CD1B: variants seen among roughly 807,000 people sequenced by gnomAD.
CD1B encodes T-cell surface glycoprotein CD1b.
CD1B carries 43 observed loss-of-function variants against 39.8 expected under a neutral mutation model. The observed-to-expected ratio is 1.08, with a 90% CI of 0.85 to 1.39. The LOEUF is 1.39. CD1B is among the 40% of genes most tolerant of loss of function. The probability of loss-of-function intolerance (pLI) is 0.00; values close to 1 mark genes in which losing one functional copy is unlikely to be tolerated. For missense variants in CD1B, 495 were observed against 403.8 expected, an observed-to-expected ratio of 1.23 and a Z score of -1.94; for synonymous variants, 192 against 152.5, an observed-to-expected ratio of 1.26 and a Z score of -1.91.
At chr1:158,307,538 T>C in the CD1B span, among the ~76,000 whole-genome samples, 2 of 152,176 alleles carry the variant, frequency 1.3e-5, no homozygotes, top group Non-Finnish European at 2.9e-5. Flanking sequence ...CTTCTGAAAT[T>C]ATTCCAATCA....
the CD1B span, among the ~76,000 whole-genome samples, chr1:158,297,766 C>T: frequency 1.3e-5 from 2 of 151,890 alleles, no homozygotes; most frequent in African/African-American, 2.4e-5. Context: ...AACCCCATTT[C>T]TACAAAAAAA....
the CD1B span, among the ~76,000 whole-genome samples, chr1:158,317,574 C>T: frequency 1.3e-5 from 2 of 151,986 alleles, no homozygotes; most frequent in Admixed American, 1.3e-4. Context: ...ATTAGTCTTG[C>T]TAGTGGTCTA....
chr1:158,320,242 C>T, the CD1B span, among the ~76,000 whole-genome samples: 14 of 152,202 alleles, frequency 9.2e-5, no homozygotes, highest in Non-Finnish European at 1.9e-4. Context: ...CAATGGTGGG[C>T]GCCCCTGCCT....
chr1:158,312,702 A>T, the CD1B span, among the ~76,000 whole-genome samples: 2,214 of 152,286 alleles, frequency 0.015, 54 homozygotes, highest in African/African-American at 0.048. Context: ...ATATGCATTT[A>T]ATATCCTGAA....
the CD1B span, among the ~76,000 whole-genome samples, chr1:158,306,111 G>T: frequency 2.0e-5 from 3 of 152,116 alleles, no homozygotes; most frequent in Admixed American, 1.3e-4. Flanking sequence ...TGGGCTAAAT[G>T]CTCCAATTAA....
At chr1:158,319,866 G>A in the CD1B span, among the ~76,000 whole-genome samples, 2 of 152,156 alleles carry the variant, frequency 1.3e-5, no homozygotes, top group Non-Finnish European at 2.9e-5. Flanking sequence ...CTGTTTGTTA[G>A]TTTTCCTTCT....
the CD1B span, among the ~76,000 whole-genome samples, chr1:158,318,762 T>C: frequency 1.3e-5 from 2 of 152,204 alleles, no homozygotes; most frequent in East Asian, 1.9e-4. Flanking sequence ...CTAGTCTTGA[T>C]GGTCTTTACA....
At chr1:158,308,188 G>C in the CD1B span, among the ~76,000 whole-genome samples, 3 of 151,168 alleles carry the variant, frequency 2.0e-5, no homozygotes, top group Non-Finnish European at 4.5e-5. Context: ...TTACACACCA[G>C]TAACAGACAG....
the CD1B span, among the ~76,000 whole-genome samples, chr1:158,306,256 CA>C: frequency 0.012 from 1,870 of 151,742 alleles, 38 homozygotes; most frequent in African/African-American, 0.04. Context: ...AAATGGAAAA[CA>C]AAAAAAGGCA....
the CD1B span, among the ~76,000 whole-genome samples, chr1:158,300,312 G>A: frequency 6.6e-6 from 1 of 152,160 alleles, no homozygotes; most frequent in Non-Finnish European, 1.5e-5. Flanking sequence ...TTAATCCTGA[G>A]TTCTAATTTG....
the CD1B span, among the ~76,000 whole-genome samples, chr1:158,319,944 G>C: frequency 6.6e-6 from 1 of 152,268 alleles, no homozygotes; most frequent in East Asian, 1.9e-4. Context: ...GTGTGCCCCT[G>C]CTGGGGGGTG....
Position 158,330,133 on chromosome 1 carries a change from A to T in CD1B, c.329-3T>A. ...TATGCCCTGGATCTCAAAGGGGTCT[A>T]TGTAGAGGGAAAAGAGAGCAAGTTA... On this transcript the variant is annotated splice_polypyrimidine_tract_variant and splice_region_variant and intron_variant, in intron 2 of 5. Transcript: ENST00000368168. 1.3e-6 allele frequency: 2 copies of T among 1,591,128 alleles called. No individual in the cohort carries two copies. The highest frequency in any genetic ancestry group is 8.5e-7 in the Non-Finnish European group (1 of 1,172,080).
chr1:158,329,090 C>A, intron 4 of CD1B, 76 bp from the exon 5 acceptor site: 1 of 1,243,912 alleles, frequency 8.0e-7, no homozygotes, highest in Admixed American at 2.1e-5. Flanking sequence ...CTTTGCCCAC[C>A]TACTTCCAAT....
intron 2 of CD1B, 43 bp from the exon 3 acceptor site, chr1:158,330,173 GA>G (rs758636210): frequency 2.1e-5 from 32 of 1,529,010 alleles, no homozygotes; most frequent in South Asian, 3.8e-5. Flanking sequence ...ACACAAATAA[GA>G]AAAAAAGGCA....
chr1:158,308,776 A>G, the CD1B span, among the ~76,000 whole-genome samples: 22 of 152,234 alleles, frequency 1.4e-4, no homozygotes. Flanking sequence ...CTGGTTAGCC[A>G]TATGTAGAAA....
the CD1B span, among the ~76,000 whole-genome samples, chr1:158,318,573 G>C: frequency 6.6e-6 from 1 of 152,122 alleles, no homozygotes; most frequent in South Asian, 2.1e-4. Context: ...ACGTGAGATG[G>C]GTTTCCTGAA....
chr1:158,296,530 A>G, the CD1B span, among the ~76,000 whole-genome samples: 1 of 152,234 alleles, frequency 6.6e-6, no homozygotes, highest in Non-Finnish European at 1.5e-5. Flanking sequence ...AGGCAGCTCT[A>G]AAAGTCAGAG....
the CD1B span, chr1:158,293,735 G>C: frequency 9.5e-6 from 7 of 739,272 alleles, no homozygotes; most frequent in Admixed American, 2.5e-5. Flanking sequence ...TGAACCCAGA[G>C]AGCCCCTCAA....
At chr1:158,314,005 T>C in the CD1B span, among the ~76,000 whole-genome samples, 1 of 152,186 alleles carries the variant, frequency 6.6e-6, no homozygotes, top group Admixed American at 6.5e-5. Flanking sequence ...ATATTATTTG[T>C]AAAGTCTCCT....
Sources: allele counts gnomAD v4.1 joint callset (sites outside exome capture counted in the v4.1 genomes callset), GRCh38; gene constraint gnomAD v4.1.1; transcripts MANE v1.5; gene names NCBI Gene and HGNC (gene_info 2026-07-23, HGNC 2026-07-21).